The following ASMTL variants were observed in gnomAD, a reference collection of about 807,000 sequenced individuals.
ASMTL encodes the protein probable bifunctional dTTP/UTP pyrophosphatase/methyltransferase protein.
ASMTL carries 57 observed loss-of-function variants against 60.3 expected under a neutral mutation model. The ratio of observed to expected loss-of-function variants is 0.95; its 90% CI spans 0.76 to 1.18. The LOEUF (loss-of-function observed/expected upper bound fraction) is 1.18. ASMTL is among the 50% of genes most tolerant of loss of function. The probability of loss-of-function intolerance (pLI) is 0.00; values close to 1 mark genes in which losing one functional copy is unlikely to be tolerated. For synonymous variants in ASMTL, 419 were observed against 373.0 expected, an observed-to-expected ratio of 1.12 and a Z score of -1.42; for missense variants, 981 against 852.6, an observed-to-expected ratio of 1.15 and a Z score of -1.88.
At chrX:1,420,842 G>A (rs1221362258) in intron 9 of ASMTL, among the ~76,000 whole-genome samples, 1 of 152,172 alleles carries the variant, frequency 6.6e-6, no homozygotes, top group Non-Finnish European at 1.5e-5. Context: ...CACCCGGGCT[G>A]GAGTGCAGCA....
At chrX:1,417,032 C>G (rs866759444) in intron 11 of ASMTL, among the ~76,000 whole-genome samples, 13 of 22,064 alleles carry the variant, frequency 5.9e-4, no homozygotes, top group Non-Finnish European at 4.9e-3. Flanking sequence ...CACAGAGACA[C>G]AGACACAAGC....
chrX:1,407,561 T>TA (rs1284976696), intron 12 of ASMTL, among the ~76,000 whole-genome samples: 3 of 151,828 alleles, frequency 2.0e-5, no homozygotes, highest in African/African-American at 7.3e-5. Context: ...GGATAGATAA[T>TA]AAATGATAGA....
At chrX:1,424,530 A>C (rs1318897249) in intron 8 of ASMTL, among the ~76,000 whole-genome samples, 1 of 133,690 alleles carries the variant, frequency 7.5e-6, no homozygotes, top group Non-Finnish European at 1.6e-5. Flanking sequence ...CCACTCACCC[A>C]TCCATCCACA....
rs755324888 is a variant in ASMTL at position 1,437,372 on chromosome X, G to A, written c.274-1614C>T. ...CTATAGACTGGGTGGCTTATAAACA[G>A]CAGACATTGATTCTTCCATAATCCT... On this transcript the variant is annotated intron_variant, in intron 3 of 12. Coordinates refer to ENST00000381317, the MANE Select transcript of ASMTL (RefSeq NM_004192.4). Among the ~76,000 whole-genome samples the A allele has an allele frequency of 1.2e-4, 18 of 145,226 alleles. No homozygotes were observed. The South Asian group carries it at 1.3e-3, about 11-fold the overall frequency.
At chrX:1,410,777 C>T (rs2089983472) in intron 12 of ASMTL, among the ~76,000 whole-genome samples, 1 of 150,300 alleles carries the variant, frequency 6.7e-6, no homozygotes, top group African/African-American at 2.4e-5. Context: ...GTACTTCCAG[C>T]TACTCGGGAG....
chrX:1,451,702 C>T (rs2091391447), intron 1 of ASMTL, among the ~76,000 whole-genome samples: 1 of 147,600 alleles, frequency 6.8e-6, no homozygotes, highest in Non-Finnish European at 1.5e-5. Flanking sequence ...CTCCTCTCCC[C>T]CATCCCTAGG....
intron 1 of ASMTL, among the ~76,000 whole-genome samples, chrX:1,444,208 ATTT>A (rs112915722): frequency 1.5e-4 from 18 of 123,456 alleles, no homozygotes; most frequent in Admixed American, 2.5e-4. Context: ...CACTTTTTGT[ATTT>A]TTTTTTTTTT....
rs751940052 is a variant in ASMTL at position 1,432,526 on chromosome X, C to T, written c.401-149G>A. On this transcript the variant is annotated intron_variant, in intron 5 of 12. Coordinates refer to ENST00000381317, the MANE Select transcript of ASMTL (RefSeq NM_004192.4). ...CTTCATGGGAGAATAAGGTTCATTT[C>T]GGACAAGAAAAGGGAGAAAGGGGCC... 76 of 686,712 alleles carry T rather than the reference C, an allele frequency of 1.1e-4. No homozygotes were observed. In the East Asian group the frequency reaches 1.3e-3, roughly 12 times the overall value. 42.5% of individuals were successfully genotyped at this position (686,712 alleles called of 1,614,324 possible).
rs766640557 is a variant in ASMTL at position 1,418,997 on chromosome X, CGGA to C, written c.1360_1362del (p.Ser454del). On this transcript the variant is annotated inframe_deletion, in exon 10 of 13. Transcript: ENST00000381317. ...GGCCACCCACCTCCCACGTCGCAGG[CGGA>C]GGAGAAGCGGGACAGATTGAAGGCC... is the stretch of plus-strand genomic sequence containing the variant. 44 of 1,611,824 alleles carry C rather than the reference CGGA, an allele frequency of 2.7e-5. No individual in the cohort carries two copies. The highest frequency in any genetic ancestry group is 2.7e-4 in the East Asian group (12 of 44,880).
intron 1 of ASMTL, among the ~76,000 whole-genome samples, chrX:1,445,295 C>T (rs187992843): frequency 2.0e-5 from 3 of 152,124 alleles, no homozygotes; most frequent in Non-Finnish European, 4.4e-5. Flanking sequence ...CAAACAGACA[C>T]TCTCGGCTTC....
At chrX:1,421,546 G>T in intron 9 of ASMTL, 112 bp downstream of exon 9, 3 of 1,195,832 alleles carry the variant, frequency 2.5e-6, no homozygotes, top group Non-Finnish European at 3.6e-6. Flanking sequence ...CAAGCCTTTG[G>T]GATCTGTCAG....
At chrX:1,439,263 G>A in intron 2 of ASMTL, 119 bp from the exon 3 acceptor site, 4 of 1,010,982 alleles carry the variant, frequency 4.0e-6, no homozygotes, top group Non-Finnish European at 6.0e-6. Flanking sequence ...GACTTTGGAA[G>A]TGAAGGCTGG....
chrX:1,436,565 G>A (rs2090971649), intron 3 of ASMTL, among the ~76,000 whole-genome samples: 1 of 152,146 alleles, frequency 6.6e-6, no homozygotes, highest in Non-Finnish European at 1.5e-5. Context: ...TGTTGGCCAG[G>A]ATGGTCTCGA....
intron 6 of ASMTL, chrX:1,432,068 G>A: frequency 1.7e-6 from 1 of 601,510 alleles, no homozygotes; most frequent in East Asian, 2.8e-5. Context: ...TCTCTGTCCT[G>A]GGAGTTTGCC....
At chrX:1,414,703 A>G (rs6603270) in intron 11 of ASMTL, among the ~76,000 whole-genome samples, 42,757 of 152,048 alleles carry the variant, frequency 0.28, 6,211 homozygotes, top group Non-Finnish European at 0.29. Context: ...GCGAGACACC[A>G]TTCAAACATA....
chrX:1,437,643 A>C (rs1401349535), intron 3 of ASMTL, among the ~76,000 whole-genome samples: 10 of 152,174 alleles, frequency 6.6e-5, no homozygotes, highest in African/African-American at 2.4e-4. Context: ...CACGCCTGTA[A>C]TCCTAGCACT....
intron 9 of ASMTL, among the ~76,000 whole-genome samples, chrX:1,421,421 A>G (rs2090481522): frequency 6.6e-6 from 1 of 152,012 alleles, no homozygotes; most frequent in Admixed American, 6.6e-5. Context: ...TGTTTCTAGG[A>G]GGAAATTCTA....
chrX:1,445,158 C>A (rs1366825649), intron 1 of ASMTL, among the ~76,000 whole-genome samples: 6 of 152,182 alleles, frequency 3.9e-5, no homozygotes, highest in Non-Finnish European at 8.8e-5. Context: ...CCATCCCAGT[C>A]CTCGGAGGAC....
intron 5 of ASMTL, 59 bp from the exon 6 acceptor site, chrX:1,432,436 G>T: frequency 1.5e-6 from 2 of 1,332,640 alleles, no homozygotes; most frequent in South Asian, 2.4e-5. Context: ...TCCGTGCCCT[G>T]ACAGCTGCGT....
Sources: allele counts gnomAD v4.1 joint callset (sites outside exome capture counted in the v4.1 genomes callset), GRCh38; gene constraint gnomAD v4.1.1; transcripts MANE v1.5; gene names NCBI Gene and HGNC (gene_info 2026-07-23, HGNC 2026-07-21).